Variants in SEPTIN3 observed in about 807,000 individuals in gnomAD.
SEPTIN3 encodes the protein neuronal-specific septin-3.
A neutral mutation model predicts 45.1 loss-of-function variants in SEPTIN3; 15 were observed. That is an observed-to-expected ratio of 0.33 (90% CI 0.22 to 0.51). The LOEUF (loss-of-function observed/expected upper bound fraction) is 0.51. Among genes scored for constraint, SEPTIN3 ranks in the 20% least tolerant of loss-of-function variants. SEPTIN3 has a pLI of 0.97. For synonymous variants in SEPTIN3, 148 were observed against 164.8 expected, an observed-to-expected ratio of 0.90 and a Z score of 0.78; for missense variants, 289 against 457.2, an observed-to-expected ratio of 0.63 and a Z score of 3.35.
intron 6 of SEPTIN3, among the ~76,000 whole-genome samples, chr22:41,989,330 G>T (rs2078263152): frequency 6.6e-6 from 1 of 152,116 alleles, no homozygotes; most frequent in Non-Finnish European, 1.5e-5. Flanking sequence ...GGTTTGAGGG[G>T]GGCTTAAAGA....
At chr22:41,977,126 C>T (rs773069694) in intron 2 of SEPTIN3, 9 of 1,557,288 alleles carry the variant, frequency 5.8e-6, no homozygotes, top group Admixed American at 1.8e-5. Context: ...GCTGCGGCCC[C>T]GGCCAGCGCG....
At chr22:41,978,644 C>G (rs574702968) in intron 2 of SEPTIN3, among the ~76,000 whole-genome samples, 2 of 152,264 alleles carry the variant, frequency 1.3e-5, no homozygotes, top group East Asian at 3.9e-4. Context: ...GTCAGGCACC[C>G]TTACCAGACA....
At chr22:41,988,695 T>C (rs1455445561) in intron 6 of SEPTIN3, among the ~76,000 whole-genome samples, 1 of 151,992 alleles carries the variant, frequency 6.6e-6, no homozygotes, top group Non-Finnish European at 1.5e-5. Context: ...TAGAGCCAAG[T>C]TGGGGTCTCA....
chr22:41,987,094 C>A, intron 4 of SEPTIN3, 112 bp from the exon 5 acceptor site: 1 of 740,294 alleles, frequency 1.4e-6, no homozygotes, highest in Non-Finnish European at 2.2e-6. Context: ...TTTGACTTTT[C>A]CAATAACTGA....
intron 11 of SEPTIN3, chr22:41,995,244 C>A: frequency 1.0e-6 from 1 of 991,500 alleles, no homozygotes; most frequent in Non-Finnish European, 1.2e-6. Context: ...GACAACCCTC[C>A]TGTAAGTTGG....
intron 1 of SEPTIN3, 134 bp from the exon 2 acceptor site, chr22:41,971,340 G>A (rs892576184): frequency 1.8e-5 from 7 of 397,480 alleles, no homozygotes; most frequent in Non-Finnish European, 2.7e-5. Context: ...CTCCACTAAG[G>A]ACTGGACAGT....
At chr22:41,975,506 T>C (rs1294537289) in intron 2 of SEPTIN3, among the ~76,000 whole-genome samples, 1 of 152,100 alleles carries the variant, frequency 6.6e-6, no homozygotes, top group Admixed American at 6.6e-5. Flanking sequence ...CAGCCCTGTC[T>C]CCTGAAGTGC....
intron 8 of SEPTIN3, 144 bp downstream of exon 8, chr22:41,991,812 G>A: frequency 1.5e-6 from 1 of 681,240 alleles, no homozygotes; most frequent in East Asian, 2.6e-5. Flanking sequence ...ATAGGGGGAT[G>A]GGGAGGACTA....
chr22:41,985,457 C>T (rs2078190659), intron 3 of SEPTIN3, among the ~76,000 whole-genome samples: 1 of 152,194 alleles, frequency 6.6e-6, no homozygotes, highest in Non-Finnish European at 1.5e-5. Flanking sequence ...AGTTATGTTG[C>T]TCTGCACATA....
At chr22:41,995,055 C>A in intron 11 of SEPTIN3, 1 of 1,144,686 alleles carries the variant, frequency 8.7e-7, no homozygotes, top group South Asian at 2.5e-5. Context: ...CCTTGTGTCC[C>A]AAAACAAAGC....
rs970757584 is a variant in SEPTIN3 at position 41,987,247 on chromosome 22, G to A, written c.1867G>A (p.Asp623Asn). 4 of 1,613,472 alleles carry A rather than the reference G, an allele frequency of 2.5e-6. No individual in the cohort carries two copies. The highest frequency in any genetic ancestry group is 1.3e-5 in the African/African-American group (1 of 74,852). The change falls in exon 5 of 12, where the codon GAC becomes AAC. Residue 623 changes from aspartate (D) to asparagine (N), a missense_variant. Coordinates refer to ENST00000644076, the MANE Select transcript of SEPTIN3 (RefSeq NM_001363845.2). Reference sequence around the variant, plus strand: ...TGTCAAAATGAAGCTGACCGTCATCGACACCCCAGGCTTTGGAGACCAAAT... The same window carrying A: ...TGTCAAAATGAAGCTGACCGTCATCAACACCCCAGGCTTTGGAGACCAAAT... ...GGVKMKLTVI[D>N]TPGFGDQINN...
Position 41,994,770 on chromosome 22 carries a change from G to T in SEPTIN3, c.2505+56G>T, listed in dbSNP as rs770353713. 1.2e-6 allele frequency: 2 copies of T among 1,613,780 alleles called. No individual in the cohort carries two copies. The highest frequency in any genetic ancestry group is 2.2e-5 in the South Asian group (2 of 91,086). On this transcript the variant is annotated intron_variant, in intron 11 of 11. Transcript: ENST00000644076. The surrounding 1 kb of genome is among the most constrained non-coding windows in gnomAD (Gnocchi z 4.2). ...AGTAACCCATGACGACCACTTCTCT[G>T]TGTCATCACACATACCCACTTCACA...
chr22:41,991,067 C>G (rs1449314424), intron 7 of SEPTIN3, among the ~76,000 whole-genome samples: 1 of 150,594 alleles, frequency 6.6e-6, no homozygotes, highest in Non-Finnish European at 1.5e-5. Context: ...CGGTCTCAAA[C>G]AAACAAACAA....
chr22:41,980,443 A>C (rs1017722482), intron 2 of SEPTIN3, among the ~76,000 whole-genome samples: 3 of 152,130 alleles, frequency 2.0e-5, no homozygotes, highest in Non-Finnish European at 4.4e-5. Flanking sequence ...GCCATTGCTC[A>C]GTGCTTCTAA....
chr22:41,998,220 A>G lies in SEPTIN3; in HGVS notation c.*1253A>G, dbSNP rs1921110695. The G allele has an allele frequency of 6.5e-6, 1 of 152,724 alleles. No homozygotes were observed. Among genetic ancestry groups the G allele is most frequent in the Non-Finnish European group, 1.5e-5 (1 of 68,078 alleles). 9.5% of individuals were successfully genotyped at this position (152,724 alleles called of 1,614,324 possible). ...AACTAAACATTGCTGTTTGAACAGT[A>G]ACTGCCTGGCCTGTCTTATTTGTGC... On this transcript the variant is annotated 3_prime_UTR_variant, in exon 12 of 12. Transcript: ENST00000644076.
chr22:41,973,026 C>T (rs986474024), intron 2 of SEPTIN3, 30 bp downstream of exon 2: 11 of 398,634 alleles, frequency 2.8e-5, no homozygotes, highest in Non-Finnish European at 4.9e-5. Flanking sequence ...TGGGGATGGA[C>T]TAGGCTGCCG....
chr22:41,976,964 T>C lies in SEPTIN3; in HGVS notation c.1504+3968T>C, dbSNP rs2078035698. On this transcript the variant is annotated intron_variant, in intron 2 of 11. Coordinates refer to ENST00000644076, the MANE Select transcript of SEPTIN3 (RefSeq NM_001363845.2). The surrounding 1 kb of genome is among the most constrained non-coding windows in gnomAD (Gnocchi z 5.8). ...GGAGAGCGCGAAGGGGCGAGGCCCG[T>C]TTGCAGGGGCCGCTCGGCCCGGGGA... 7.8e-7 allele frequency: 1 copy of C among 1,274,342 alleles called. No homozygotes were observed. The highest frequency in any genetic ancestry group is 1.1e-6 in the Non-Finnish European group (1 of 944,624). 78.9% of individuals were successfully genotyped at this position (1,274,342 alleles called of 1,614,324 possible).
intron 2 of SEPTIN3, among the ~76,000 whole-genome samples, chr22:41,979,946 T>C (rs1249124291): frequency 2.0e-5 from 3 of 152,080 alleles, no homozygotes; most frequent in South Asian, 2.1e-4. Context: ...CATAGGATTC[T>C]AGAACGGCAG....
intron 2 of SEPTIN3, among the ~76,000 whole-genome samples, chr22:41,978,884 G>T (rs1388929828): frequency 7.2e-6 from 1 of 138,100 alleles, no homozygotes; most frequent in Non-Finnish European, 1.6e-5. Flanking sequence ...TAGCAGTGGG[G>T]CTGAATGCTG....
Sources: gnomAD v4.1 joint callset for allele counts (sites outside exome capture counted in the v4.1 genomes callset) on GRCh38, gnomAD v4.1.1 for gene constraint, Gnocchi (gnomAD v3.1) non-coding constraint, MANE v1.5 for transcripts, NCBI Gene and HGNC (gene_info 2026-07-23, HGNC 2026-07-21) for gene names.